Variants in COPG2 observed in about 807,000 individuals in gnomAD.
COPG2 encodes coatomer subunit gamma-2.
Under a neutral mutation model 46.3 loss-of-function variants are expected in COPG2, and 37 were observed. That is an observed-to-expected ratio of 0.80 (90% CI 0.61 to 1.05). COPG2 has a LOEUF of 1.05. Ranked by LOEUF, COPG2 falls within the 50% of genes least tolerant of loss-of-function variation. The pLI is 0.00. For missense variants in COPG2, 427 were observed against 387.8 expected, an observed-to-expected ratio of 1.10 and a Z score of -0.85; for synonymous variants, 159 against 129.7, an observed-to-expected ratio of 1.23 and a Z score of -1.53.
chr7:130,513,275 T>G (rs1554441244), intron 20 of COPG2, among the ~76,000 whole-genome samples: 1 of 102,486 alleles, frequency 9.8e-6, no homozygotes, highest in African/African-American at 3.6e-5. Flanking sequence ...GTGACAAGAG[T>G]GAAATAATTC....
intron 9 of COPG2, among the ~76,000 whole-genome samples, chr7:130,600,209 T>C (rs1794609057): frequency 6.6e-6 from 1 of 152,214 alleles, no homozygotes; most frequent in South Asian, 2.1e-4. Flanking sequence ...ATTCCTGTTA[T>C]ATTTTTTTAG....
Position 130,668,729 on chromosome 7 carries a change from G to C in COPG2, c.-61C>G. ...CCGTCCCAGGCGCCGCAGCCGGCGA[G>C]CGGAAGAGGCTGCAGGAAGGCCGGC... On this transcript the variant is annotated 5_prime_UTR_variant, in exon 1 of 24. Transcript: ENST00000425248. 2 of 1,493,422 alleles carry C rather than the reference G, an allele frequency of 1.3e-6. No individual in the cohort carries two copies. Among genetic ancestry groups the C allele is most frequent in the South Asian group, 1.3e-5 (1 of 78,392 alleles). The allele number at this position is 1,493,422 out of a possible 1,614,324, so 92.5% of individuals were successfully genotyped here. A position where few individuals can be genotyped will look rare whatever the true frequency, so the allele number is the denominator to read the frequency against.
chr7:130,611,219 G>A, intron 8 of COPG2, 109 bp from the exon 9 acceptor site: 4 of 965,972 alleles, frequency 4.1e-6, no homozygotes, highest in East Asian at 2.6e-5. Flanking sequence ...AAAATACCCA[G>A]GTCACATGTA....
In COPG2 at chr7:130,668,582, G is replaced by A. The variant is rs782330139; in HGVS notation, c.37+50C>T. ...CTGAAAGCAGGTGGCGGCGGGCGGGGGAAGGGGCGTCCCGCGGCTGAGGGT... is the reference window on the plus strand; with the variant it reads ...CTGAAAGCAGGTGGCGGCGGGCGGGAGAAGGGGCGTCCCGCGGCTGAGGGT... On this transcript the variant is annotated intron_variant, in intron 1 of 23. Transcript: ENST00000425248. 54 of 1,476,942 alleles carry A rather than the reference G, an allele frequency of 3.7e-5. No homozygotes were observed. The Middle Eastern group carries it at 5.4e-4, about 15-fold the overall frequency. The allele number at this position is 1,476,942 out of a possible 1,614,324, so 91.5% of individuals were successfully genotyped here. A position where few individuals can be genotyped will look rare whatever the true frequency, so the allele number is the denominator to read the frequency against.
intron 20 of COPG2, among the ~76,000 whole-genome samples, chr7:130,519,108 C>A: frequency 6.6e-6 from 1 of 151,672 alleles, no homozygotes; most frequent in East Asian, 1.9e-4. Flanking sequence ...GGGTGCTGAG[C>A]ATGCAATGCA....
chr7:130,576,897 C>T (rs1407220474), intron 9 of COPG2, among the ~76,000 whole-genome samples: 1 of 151,970 alleles, frequency 6.6e-6, no homozygotes, highest in Admixed American at 6.6e-5. Context: ...GAGAGAAAAT[C>T]CAAATAACTT....
At chr7:130,525,494 G>A (rs1289938026) in intron 20 of COPG2, among the ~76,000 whole-genome samples, 1 of 152,172 alleles carries the variant, frequency 6.6e-6, no homozygotes, top group Non-Finnish European at 1.5e-5. Context: ...ACTTGGCAAT[G>A]GACTCGTGGT....
chr7:130,640,438 T>C (rs1050900344), intron 5 of COPG2, among the ~76,000 whole-genome samples: 1 of 151,288 alleles, frequency 6.6e-6, no homozygotes, highest in East Asian at 1.9e-4. Flanking sequence ...TTATTTATTA[T>C]TATTATTATT....
intron 20 of COPG2, among the ~76,000 whole-genome samples, chr7:130,520,428 T>C (rs1456761307): frequency 2.0e-5 from 3 of 152,218 alleles, no homozygotes; most frequent in South Asian, 2.1e-4. Context: ...GCAAATATTA[T>C]TGAGACCAGA....
At chr7:130,651,420 G>A (rs906250393) in intron 5 of COPG2, among the ~76,000 whole-genome samples, 4 of 147,908 alleles carry the variant, frequency 2.7e-5, no homozygotes, top group South Asian at 2.1e-4. Context: ...AGGCTCCAGC[G>A]ATTCTCCCGC....
chr7:130,513,341 A>ATATATATGTGTG (rs1215646008), intron 20 of COPG2, among the ~76,000 whole-genome samples: 3 of 51,542 alleles, frequency 5.8e-5, no homozygotes, highest in Non-Finnish European at 9.0e-5. Context: ...ATATATATAT[A>ATATATATGTGTG]TGTGTGTGTG....
chr7:130,592,744 C>T (rs942320928), intron 9 of COPG2, among the ~76,000 whole-genome samples: 33 of 152,174 alleles, frequency 2.2e-4, no homozygotes, highest in Non-Finnish European at 4.0e-4. Context: ...TGTCATATAC[C>T]TGTAAGATCT....
Position 130,506,822 on chromosome 7 carries a change from A to G in COPG2, c.2486-16T>C, listed in dbSNP as rs75501635. 5.7e-5 allele frequency: 44 copies of G among 767,878 alleles called. No homozygotes were observed. The East Asian group carries it at 1.1e-3, about 19-fold the overall frequency. 47.6% of individuals were successfully genotyped at this position (767,878 alleles called of 1,614,324 possible). On this transcript the variant is annotated splice_polypyrimidine_tract_variant and intron_variant, in intron 23 of 23. Transcript: ENST00000425248. ...CTGAATATACCTGAGAGAAAAAAGT[A>G]AGGAAAACCATATTAAGAACCCAAA... is the stretch of plus-strand genomic sequence containing the variant.
chr7:130,665,610 C>T (rs1796061389), intron 3 of COPG2, among the ~76,000 whole-genome samples: 1 of 151,992 alleles, frequency 6.6e-6, no homozygotes, highest in Admixed American at 6.5e-5. Flanking sequence ...AGATTATAGT[C>T]TAAGTATTAT....
intron 20 of COPG2, chr7:130,511,334 T>C (rs1281839230): frequency 2.0e-6 from 1 of 496,214 alleles, no homozygotes; most frequent in African/African-American, 1.9e-5. Flanking sequence ...CTGTACAGGC[T>C]AACTGCAGCA....
chr7:130,527,857 C>T (rs1799788621), intron 20 of COPG2, among the ~76,000 whole-genome samples: 1 of 152,060 alleles, frequency 6.6e-6, no homozygotes, highest in Non-Finnish European at 1.5e-5. Flanking sequence ...GCAATGGGAC[C>T]ACGGTGGTGC....
intron 7 of COPG2, among the ~76,000 whole-genome samples, chr7:130,612,731 G>C (rs1388694947): frequency 6.6e-6 from 1 of 152,056 alleles, no homozygotes; most frequent in African/African-American, 2.4e-5. Flanking sequence ...ATTGTGTTCT[G>C]CTGAAAAACG....
At position 130,506,483 on chromosome 7, in the gene COPG2, AAG is replaced by A; in HGVS notation, c.*191_*192del. The A allele has an allele frequency of 2.5e-6, 1 of 392,378 alleles. No homozygotes were observed. The highest frequency in any genetic ancestry group is 4.6e-6 in the Non-Finnish European group (1 of 219,608). The allele number at this position is 392,378 out of a possible 1,614,324, so 24.3% of individuals were successfully genotyped here. A position where few individuals can be genotyped will look rare whatever the true frequency, so the allele number is the denominator to read the frequency against. ...CCCAAAGCTGACCAAGTAGAATAAAAAGAAAAAAAAAAAAAAACAACCCATGC... is the reference window on the plus strand; with the variant it reads ...CCCAAAGCTGACCAAGTAGAATAAAAAAAAAAAAAAAAAAACAACCCATGC... On this transcript the variant is annotated 3_prime_UTR_variant, in exon 24 of 24. Coordinates refer to ENST00000425248, the MANE Select transcript of COPG2 (RefSeq NM_012133.6).
At chr7:130,621,848 G>C (rs563640323) in intron 5 of COPG2, among the ~76,000 whole-genome samples, 1 of 150,896 alleles carries the variant, frequency 6.6e-6, no homozygotes, top group Admixed American at 6.6e-5. Context: ...GGAGGCTGAG[G>C]TGGGAGAGTC....
Sources: allele counts gnomAD v4.1 joint callset (sites outside exome capture counted in the v4.1 genomes callset), GRCh38; gene constraint gnomAD v4.1.1; transcripts MANE v1.5; gene names NCBI Gene and HGNC (gene_info 2026-07-23, HGNC 2026-07-21).